Variants in TMOD1 observed in about 807,000 individuals in gnomAD.
TMOD1 encodes tropomodulin 1, also known as tropomodulin-1.
A neutral mutation model predicts 40.6 loss-of-function variants in TMOD1; 17 were observed. The ratio of observed to expected loss-of-function variants is 0.42; its 90% CI spans 0.29 to 0.63. The LOEUF (loss-of-function observed/expected upper bound fraction) is 0.63, where lower values mean the gene tolerates loss of function less well. TMOD1 is among the 20% of genes least tolerant of loss of function. TMOD1 has a pLI of 0.22. For synonymous variants in TMOD1, 181 were observed against 175.0 expected (o/e 1.03, Z -0.27); for missense variants, 391 against 447.6 (o/e 0.87, Z 1.14).
chr9:97,538,212 T>C (rs1319448434), intron 2 of TMOD1, among the ~76,000 whole-genome samples: 1 of 152,186 alleles, frequency 6.6e-6, no homozygotes, highest in Non-Finnish European at 1.5e-5. Flanking sequence ...TCCTCCTCCT[T>C]AAAACCTGCG....
chr9:97,579,042 C>T (rs1010505870), intron 8 of TMOD1, among the ~76,000 whole-genome samples: 1 of 152,088 alleles, frequency 6.6e-6, no homozygotes, highest in Non-Finnish European at 1.5e-5. Context: ...CTCCAAGGAC[C>T]GACCTGACCT....
At chr9:97,561,071 G>T (rs1308739355) in intron 4 of TMOD1, among the ~76,000 whole-genome samples, 1 of 152,170 alleles carries the variant, frequency 6.6e-6, no homozygotes, top group African/African-American at 2.4e-5. Flanking sequence ...CAGGCTCTGG[G>T]TTTGGATTTG....
intron 8 of TMOD1, among the ~76,000 whole-genome samples, chr9:97,575,329 C>T (rs1274763527): frequency 1.3e-5 from 2 of 152,226 alleles, no homozygotes; most frequent in African/African-American, 2.4e-5. Context: ...AAACTCCTAA[C>T]ACATCCGAAC....
chr9:97,584,432 A>G (rs938258887), intron 8 of TMOD1, among the ~76,000 whole-genome samples: 3 of 151,040 alleles, frequency 2.0e-5, no homozygotes, highest in African/African-American at 4.9e-5. Context: ...TATGTGGTCA[A>G]TTTTGGAATA....
intron 2 of TMOD1, among the ~76,000 whole-genome samples, chr9:97,529,066 G>A (rs57410156): frequency 6.6e-6 from 1 of 152,240 alleles, no homozygotes; most frequent in Non-Finnish European, 1.5e-5. Flanking sequence ...GAGCCACTGC[G>A]TGTGGGTCTG....
intron 6 of TMOD1, 152 bp downstream of exon 6, chr9:97,564,320 T>C: frequency 9.6e-7 from 1 of 1,040,392 alleles, no homozygotes; most frequent in Non-Finnish European, 1.4e-6. Context: ...GGACAAAACC[T>C]TTGCAAATGG....
At chr9:97,504,859 A>G (rs1197715612) in intron 1 of TMOD1, among the ~76,000 whole-genome samples, 3 of 152,176 alleles carry the variant, frequency 2.0e-5, no homozygotes, top group East Asian at 3.8e-4. Flanking sequence ...GGCTGCCAAC[A>G]TTTCTAAAGA....
At chr9:97,519,321 T>A (rs1035416194) in intron 1 of TMOD1, among the ~76,000 whole-genome samples, 1 of 152,210 alleles carries the variant, frequency 6.6e-6, no homozygotes, top group Non-Finnish European at 1.5e-5. Flanking sequence ...GTAAATTCTA[T>A]TTTTTCATAT....
rs546611335 is a variant in TMOD1 at position 97,563,954 on chromosome 9, T to C, written c.488-84T>C. 278 of 1,296,386 alleles carry C rather than the reference T, an allele frequency of 2.1e-4. 1 individual carries two copies. In the Admixed American group the frequency reaches 5.8e-3, roughly 27 times the overall value. 80.3% of individuals were successfully genotyped at this position (1,296,386 alleles called of 1,614,324 possible). A position where few individuals can be genotyped will look rare whatever the true frequency, so the allele number is the denominator to read the frequency against. On this transcript the variant is annotated intron_variant, in intron 5 of 9. Coordinates refer to ENST00000259365, the MANE Select transcript of TMOD1 (RefSeq NM_003275.4). ...CCCTCACGTGCCCCAACCCTGCACA[T>C]GCTCCCTTCCACAGTATCTTTGTGT...
rs548316493 is a variant in TMOD1 at position 97,514,383 on chromosome 9, G to T, written c.-48-9758G>T. Among the ~76,000 whole-genome samples, 8 of 151,600 alleles carry T rather than the reference G, an allele frequency of 5.3e-5. No individual in the cohort carries two copies. The South Asian group carries it at 1.5e-3, about 28-fold the overall frequency. On this transcript the variant is annotated intron_variant, in intron 1 of 9. Transcript: ENST00000259365. ...TCCGTCCGCCTTGGCCTCCTAAAGT[G>T]TTGGGATTACAGGCGTGAACCACCG...
At chr9:97,575,671 T>C (rs2805803) in intron 8 of TMOD1, among the ~76,000 whole-genome samples, 81,550 of 152,072 alleles carry the variant, frequency 0.54, 22,911 homozygotes, top group African/African-American at 0.72. Flanking sequence ...CAGAATTGGC[T>C]CCGTCAAATG....
Position 97,562,797 on chromosome 9 carries a change from A to G in TMOD1, c.463A>G (p.Ile155Val), listed in dbSNP as rs1408472845. 6.3e-7 allele frequency: 1 copy of G among 1,585,568 alleles called. No individual in the cohort carries two copies. The highest frequency in any genetic ancestry group is 8.5e-7 in the Non-Finnish European group (1 of 1,169,602). The stretch of plus-strand genomic sequence containing the variant: ...CTACCAGGCCCTGAGCAGCAGCTCC[A>G]TCATGAACAAGGAGGGGCTCAACAG... ...QYYQALSSSS[I>V]MNKEGLNSVI... The change falls in exon 5 of 10, where the codon ATC becomes GTC. Residue 155 changes from isoleucine to valine, a missense_variant. Ile to Val is a conservative substitution (Grantham distance 29). Transcript: ENST00000259365.
At chr9:97,518,438 C>T (rs1798521889) in intron 1 of TMOD1, among the ~76,000 whole-genome samples, 1 of 152,256 alleles carries the variant, frequency 6.6e-6, no homozygotes, top group African/African-American at 2.4e-5. Context: ...TCTGTTGTTT[C>T]TGTCACTTGG....
intron 3 of TMOD1, among the ~76,000 whole-genome samples, chr9:97,551,387 G>T (rs1267860853): frequency 6.6e-6 from 1 of 152,120 alleles, no homozygotes; most frequent in Non-Finnish European, 1.5e-5. Flanking sequence ...TACATATGGT[G>T]TGAAATAGGG....
At chr9:97,532,997 G>A (rs112287712) in intron 2 of TMOD1, among the ~76,000 whole-genome samples, 5 of 152,320 alleles carry the variant, frequency 3.3e-5, no homozygotes, top group Non-Finnish European at 4.4e-5. Flanking sequence ...TGTCTAAAGC[G>A]CCCAGCATTT....
intron 1 of TMOD1, chr9:97,516,567 A>T (rs1468594784): frequency 1.3e-5 from 2 of 152,486 alleles, no homozygotes; most frequent in East Asian, 3.9e-4. Flanking sequence ...TTTCACCAAG[A>T]TCATTTGGAG....
At chr9:97,509,116 A>G (rs1014843333) in intron 1 of TMOD1, among the ~76,000 whole-genome samples, 1 of 152,190 alleles carries the variant, frequency 6.6e-6, no homozygotes, top group Admixed American at 6.5e-5. Context: ...TGACACCTCG[A>G]TTTTGGACTT....
At chr9:97,578,646 C>T (rs1825672691) in intron 8 of TMOD1, among the ~76,000 whole-genome samples, 1 of 149,354 alleles carries the variant, frequency 6.7e-6, no homozygotes, top group Non-Finnish European at 1.5e-5. Flanking sequence ...GGTCCAACTT[C>T]CATCTACACA....
At chr9:97,532,514 AG>A (rs1320161754) in intron 2 of TMOD1, among the ~76,000 whole-genome samples, 1 of 152,216 alleles carries the variant, frequency 6.6e-6, no homozygotes, top group Non-Finnish European at 1.5e-5. Flanking sequence ...CATGTTGAAT[AG>A]GAAACATTTT....
Sources: allele counts gnomAD v4.1 joint callset (sites outside exome capture counted in the v4.1 genomes callset), GRCh38; gene constraint gnomAD v4.1.1; transcripts MANE v1.5; gene names NCBI Gene and HGNC (gene_info 2026-07-23, HGNC 2026-07-21).